EMC7: variants seen among roughly 807,000 people sequenced by gnomAD.
EMC7 encodes the protein ER membrane protein complex subunit 7.
In EMC7, 4 loss-of-function variants were observed where a neutral mutation model predicts 24.4. The ratio of observed to expected loss-of-function variants is 0.16; its 90% CI spans 0.08 to 0.38. The LOEUF is 0.38. EMC7 is among the 10% of genes least tolerant of loss of function. The pLI is 1.00. For synonymous variants in EMC7, 106 were observed against 112.0 expected (o/e 0.95, Z 0.34); for missense variants, 221 against 300.6 (o/e 0.74, Z 1.96).
chr15:34,089,917 T>C (rs545448866), intron 3 of EMC7, among the ~76,000 whole-genome samples: 4 of 152,112 alleles, frequency 2.6e-5, no homozygotes, highest in Admixed American at 2.0e-4. Context: ...GATCGCACCA[T>C]TGCACTCCAG....
intron 2 of EMC7, among the ~76,000 whole-genome samples, chr15:34,095,627 C>G (rs1901052429): frequency 6.6e-6 from 1 of 152,300 alleles, no homozygotes; most frequent in Non-Finnish European, 1.5e-5. Context: ...TTTCATAGCA[C>G]TTTAGCTCCT....
chr15:34,093,806 C>CACACACACACACACATATATAT (rs61440619), intron 2 of EMC7, among the ~76,000 whole-genome samples: 3 of 30,248 alleles, frequency 9.9e-5, no homozygotes, highest in African/African-American at 2.6e-4. Context: ...CACACACACA[C>CACACACACACACACATATATAT]ATATATATAT....
At position 34,086,121 on chromosome 15, in the gene EMC7, T is replaced by G. The variant is rs1198143670; in HGVS notation, c.577-1635A>C. The G allele has an allele frequency of 3.8e-5, 14 of 370,124 alleles. No homozygotes were observed. In the Admixed American group the frequency reaches 4.6e-4, roughly 12 times the overall value. The allele number at this position is 370,124 out of a possible 1,614,324, so 22.9% of individuals were successfully genotyped here. On this transcript the variant is annotated intron_variant, in intron 4 of 4. Transcript: ENST00000256545. ...GCCACTGGGTAGTAAGTACTTTGTTTCTTTGCTGCTCCCATAACCAATGTT... is the reference window on the plus strand; with the variant it reads ...GCCACTGGGTAGTAAGTACTTTGTTGCTTTGCTGCTCCCATAACCAATGTT...
chr15:34,090,574 T>C, intron 2 of EMC7, 119 bp from the exon 3 acceptor site: 1 of 1,141,112 alleles, frequency 8.8e-7, no homozygotes, highest in African/African-American at 1.6e-5. Flanking sequence ...TCCAAAATGC[T>C]TTAAAACCTA....
At chr15:34,099,658 C>T (rs532714542) in intron 1 of EMC7, among the ~76,000 whole-genome samples, 39 of 152,238 alleles carry the variant, frequency 2.6e-4, no homozygotes, top group Admixed American at 9.2e-4. Flanking sequence ...CAGGCTGGAA[C>T]GCAATGGCAT....
At chr15:34,084,602 C>G (rs1900845831) in intron 4 of EMC7, 116 bp from the exon 5 acceptor site, 7 of 1,110,026 alleles carry the variant, frequency 6.3e-6, no homozygotes, top group South Asian at 3.3e-5. Flanking sequence ...TGGTTCTGAG[C>G]AATGATGCAA....
intron 1 of EMC7, among the ~76,000 whole-genome samples, chr15:34,099,538 A>G (rs1055893358): frequency 5.9e-5 from 9 of 152,226 alleles, no homozygotes; most frequent in Non-Finnish European, 7.3e-5. Context: ...AACAGCTACA[A>G]TACAAATTAC....
rs1901174699 is a variant in EMC7 at position 34,101,616 on chromosome 15, A to G, written c.224T>C (p.Val75Ala). 6.2e-7 allele frequency: 1 copy of G among 1,613,330 alleles called. No homozygotes were observed. The highest frequency in any genetic ancestry group is 1.1e-5 in the South Asian group (1 of 91,032). Reference protein sequence around the residue: ...ARVLVDGEEHVGFLKTDGSFV... With the variant: ...ARVLVDGEEHAGFLKTDGSFV... ...TCAGGATGCTCACTTAAGGAAACCG[A>G]CGTGCTCTTCTCCGTCTACCAGCAC... The change falls in exon 1 of 5, where the codon GTC becomes GCC. Residue 75 changes from valine to alanine, a missense_variant. Around this residue, in one of 2 missense-constraint regions of EMC7, gnomAD observed 156 missense variants for 177.1 expected, o/e 0.88. Coordinates refer to ENST00000256545, the MANE Select transcript of EMC7 (RefSeq NM_020154.3).
intron 4 of EMC7, among the ~76,000 whole-genome samples, chr15:34,087,711 C>T (rs1900910758): frequency 6.6e-6 from 1 of 152,124 alleles, no homozygotes; most frequent in African/African-American, 2.4e-5. Context: ...TTTATCTAGT[C>T]TAATGGAAGC....
chr15:34,092,418 G>A (rs553329171), intron 2 of EMC7, among the ~76,000 whole-genome samples: 3 of 151,934 alleles, frequency 2.0e-5, no homozygotes, highest in South Asian at 2.1e-4. Context: ...GCGCAATCTC[G>A]GCTCACTGCA....
At chr15:34,089,722 C>T (rs1328968635) in intron 3 of EMC7, among the ~76,000 whole-genome samples, 1 of 152,100 alleles carries the variant, frequency 6.6e-6, no homozygotes, top group Non-Finnish European at 1.5e-5. Context: ...TTTAGGAGGC[C>T]GAGGCGGGCA....
At chr15:34,088,197 G>T in intron 3 of EMC7, 64 bp from the exon 4 acceptor site, 1 of 1,341,172 alleles carries the variant, frequency 7.5e-7, no homozygotes, top group Non-Finnish European at 1.0e-6. Flanking sequence ...AACAAAAACT[G>T]CACTTAACAA....
chr15:34,084,379 G>A lies in EMC7; in HGVS notation c.684C>T (p.Ser228=), dbSNP rs1389248774. 3 of 1,613,236 alleles carry A rather than the reference G, an allele frequency of 1.9e-6. No homozygotes were observed. Among genetic ancestry groups the A allele is most frequent in the East Asian group, 2.2e-5 (1 of 44,868 alleles). Residue 228 remains serine, a synonymous_variant, in exon 5 of 5, where the codon AGC becomes AGT. Coordinates refer to ENST00000256545, the MANE Select transcript of EMC7 (RefSeq NM_020154.3). ...FSSKSSGKSS[S]GSSKTGKSGA... is the part of the protein sequence containing the mutation. ...CACTTTTGCCTGTTTTACTGCTGCCGCTGCTAGATTTGCCAGATGATTTTG... is the reference window on the plus strand; with the variant it reads ...CACTTTTGCCTGTTTTACTGCTGCCACTGCTAGATTTGCCAGATGATTTTG...
chr15:34,086,116 T>A, intron 4 of EMC7: 1 of 366,684 alleles, frequency 2.7e-6, no homozygotes, highest in Non-Finnish European at 5.2e-6. Flanking sequence ...AGTAAGTACT[T>A]TGTTTCTTTG....
chr15:34,087,166 T>C (rs537460474), intron 4 of EMC7, among the ~76,000 whole-genome samples: 63 of 152,352 alleles, frequency 4.1e-4, no homozygotes, highest in African/African-American at 1.5e-3. Flanking sequence ...TTCATTTCTG[T>C]ATCTCCAGTA....
At chr15:34,099,239 CAGT>C (rs1380884453) in intron 1 of EMC7, among the ~76,000 whole-genome samples, 1 of 151,968 alleles carries the variant, frequency 6.6e-6, no homozygotes, top group Non-Finnish European at 1.5e-5. Flanking sequence ...TGAAACAAAA[CAGT>C]AGAATGCCAT....
At chr15:34,093,118 G>T (rs770741961) in intron 2 of EMC7, among the ~76,000 whole-genome samples, 1 of 151,984 alleles carries the variant, frequency 6.6e-6, no homozygotes, top group Non-Finnish European at 1.5e-5. Flanking sequence ...ACTGTGTATC[G>T]CTTTCGCACC....
At chr15:34,097,051 T>TTTTTTTTTTG (rs71119930) in intron 1 of EMC7, among the ~76,000 whole-genome samples, 3 of 146,348 alleles carry the variant, frequency 2.0e-5, no homozygotes, top group Non-Finnish European at 4.5e-5. Flanking sequence ...TTTTTTTTTT[T>TTTTTTTTTTG]GAGACGGAGT....
chr15:34,099,396 T>C (rs1901139481), intron 1 of EMC7, among the ~76,000 whole-genome samples: 2 of 152,344 alleles, frequency 1.3e-5, no homozygotes, highest in East Asian at 1.9e-4. Flanking sequence ...TTATGGCTTA[T>C]ATACATTGTG....
Sources: allele counts gnomAD v4.1 joint callset (sites outside exome capture counted in the v4.1 genomes callset), GRCh38; gene constraint gnomAD v4.1.1; regional missense constraint gnomAD v4.1.1; transcripts MANE v1.5; gene names NCBI Gene and HGNC (gene_info 2026-07-23, HGNC 2026-07-21).